SYNJ2: variants seen among roughly 807,000 people sequenced by gnomAD.
SYNJ2 encodes the protein synaptojanin 2, also known as polyphosphatidylinositol phosphatase SYNJ2.
A neutral mutation model predicts 141.3 loss-of-function variants in SYNJ2; 116 were observed. That is an observed-to-expected ratio of 0.82 (90% confidence interval 0.71 to 0.96). The LOEUF is 0.96. Ranked by LOEUF, SYNJ2 falls within the 40% of genes least tolerant of loss-of-function variation. SYNJ2 has a pLI of 0.00. For synonymous variants in SYNJ2, 745 were observed against 777.7 expected, an observed-to-expected ratio of 0.96 and a Z score of 0.70; for missense variants, 1,873 against 1,934.8, an observed-to-expected ratio of 0.97 and a Z score of 0.60.
At chr6:158,005,163 C>T (rs1276802135) in intron 1 of SYNJ2, among the ~76,000 whole-genome samples, 6 of 151,618 alleles carry the variant, frequency 4.0e-5, no homozygotes, top group Middle Eastern at 3.2e-3. Context: ...CTGCAAGCTC[C>T]GCCTCCCAGG....
intron 23 of SYNJ2, 87 bp downstream of exon 23, chr6:158,087,076 A>T: frequency 6.8e-7 from 1 of 1,478,720 alleles, no homozygotes; most frequent in Non-Finnish European, 9.1e-7. Flanking sequence ...CTCCGAATCC[A>T]CTTCTCCCCG....
rs376483048 is a variant in SYNJ2 at position 158,064,998 on chromosome 6, C to T, written c.1525+7C>T. 287 of 1,549,680 alleles carry T rather than the reference C, an allele frequency of 1.9e-4. No homozygotes were observed. Among genetic ancestry groups the T allele is most frequent in the Middle Eastern group, 3.7e-4 (2 of 5,466 alleles). On this transcript the variant is annotated splice_region_variant and intron_variant, in intron 11 of 26. Transcript: ENST00000355585. ...GACAGCACGGCGCTCCTGGGTAGGG[C>T]CTGCCGCAGACAGGGCGAGGCAGGG...
intron 4 of SYNJ2, among the ~76,000 whole-genome samples, chr6:158,041,400 T>C (rs1779940430): frequency 6.6e-6 from 1 of 152,264 alleles, no homozygotes; most frequent in Non-Finnish European, 1.5e-5. Context: ...TTGCATTTGA[T>C]GGTCAAGTTA....
chr6:158,014,729 G>A (rs1438222396), intron 1 of SYNJ2, among the ~76,000 whole-genome samples: 4 of 152,260 alleles, frequency 2.6e-5, no homozygotes, highest in Non-Finnish European at 1.5e-5. Context: ...GGTGGTAGCA[G>A]GTCATGTTGT....
At position 157,981,868 on chromosome 6, in the gene SYNJ2, T is replaced by C; in HGVS notation, c.-94T>C. ...CGGGAGCGGCGGCGCAAAGTGAAAC[T>C]CTGGCAAGTTGCGGGCGCGCGGGGA... On this transcript the variant is annotated 5_prime_UTR_variant, in exon 1 of 27. Transcript: ENST00000355585. The surrounding 1 kb of genome is among the most constrained non-coding windows in gnomAD (Gnocchi z 6.4). The C allele has an allele frequency of 8.9e-7, 1 of 1,120,808 alleles. No individual in the cohort carries two copies. 69.4% of individuals were successfully genotyped at this position (1,120,808 alleles called of 1,614,324 possible).
At chr6:157,983,223 A>G (rs1777078747) in intron 1 of SYNJ2, among the ~76,000 whole-genome samples, 1 of 152,192 alleles carries the variant, frequency 6.6e-6, no homozygotes, top group Admixed American at 6.5e-5. Context: ...TGATTCCCTA[A>G]TCATTTCATT....
At chr6:158,003,810 C>A (rs1210948666) in intron 1 of SYNJ2, among the ~76,000 whole-genome samples, 1 of 152,078 alleles carries the variant, frequency 6.6e-6, no homozygotes, top group African/African-American at 2.4e-5. Context: ...ACCCACGGAG[C>A]TCTGTTTTGG....
chr6:158,023,135 G>A (rs772015343), intron 2 of SYNJ2, among the ~76,000 whole-genome samples: 9 of 152,030 alleles, frequency 5.9e-5, no homozygotes, highest in Non-Finnish European at 1.0e-4. Flanking sequence ...GTGCACGCCT[G>A]TAGTCCCAGC....
intron 1 of SYNJ2, among the ~76,000 whole-genome samples, chr6:158,004,023 T>C (rs1777957930): frequency 6.6e-6 from 1 of 152,188 alleles, no homozygotes; most frequent in Admixed American, 6.5e-5. Flanking sequence ...TCATAAGCCA[T>C]GTTGTTCGAG....
intron 20 of SYNJ2, among the ~76,000 whole-genome samples, chr6:158,081,851 C>T (rs1388143162): frequency 6.6e-6 from 1 of 151,918 alleles, no homozygotes; most frequent in Non-Finnish European, 1.5e-5. Flanking sequence ...TGCATTGGGA[C>T]AGTTATGGCT....
At chr6:158,021,230 C>T (rs951440656) in intron 2 of SYNJ2, among the ~76,000 whole-genome samples, 3 of 152,202 alleles carry the variant, frequency 2.0e-5, no homozygotes, top group Non-Finnish European at 2.9e-5. Flanking sequence ...AGTACGCAAC[C>T]TGTGAAGCTG....
At position 158,040,549 on chromosome 6, in the gene SYNJ2, T is replaced by C. The variant is rs1176456523; in HGVS notation, c.712-2767T>C. ...TCAGTCTATTAAAAAAAAAAAAGGA[T>C]GTAAGATAAATATTTGGCTATTCAA... On this transcript the variant is annotated intron_variant, in intron 4 of 26. Transcript: ENST00000355585. The surrounding 1 kb of genome is among the most constrained non-coding windows in gnomAD (Gnocchi z 4.2). Among the ~76,000 whole-genome samples, 2 of 147,320 alleles carry C rather than the reference T, an allele frequency of 1.4e-5. No homozygotes were observed. Among genetic ancestry groups the C allele is most frequent in the African/African-American group, 5.0e-5 (2 of 39,822 alleles).
At chr6:158,013,339 C>T (rs1001195334) in intron 1 of SYNJ2, among the ~76,000 whole-genome samples, 2 of 152,098 alleles carry the variant, frequency 1.3e-5, no homozygotes, top group African/African-American at 4.8e-5. Flanking sequence ...TGAGATTGCA[C>T]CATTGTACTC....
intron 1 of SYNJ2, among the ~76,000 whole-genome samples, chr6:157,998,689 G>A (rs1169885932): frequency 1.3e-5 from 2 of 152,136 alleles, no homozygotes; most frequent in Non-Finnish European, 2.9e-5. Flanking sequence ...ACAGTGTTAC[G>A]GCATGGAAAG....
In SYNJ2 at chr6:158,027,724, GACA is replaced by G. The variant is rs1022917169; in HGVS notation, c.215-1029_215-1027del. 8 of 152,344 alleles carry G rather than the reference GACA, an allele frequency of 5.3e-5. No homozygotes were observed. Among genetic ancestry groups the G allele is most frequent in the Admixed American group, 1.3e-4 (2 of 15,286 alleles). 9.4% of individuals were successfully genotyped at this position (152,344 alleles called of 1,614,324 possible). A position where few individuals can be genotyped will look rare whatever the true frequency, so the allele number is the denominator to read the frequency against. On this transcript the variant is annotated intron_variant, in intron 2 of 26. Coordinates refer to ENST00000355585, the MANE Select transcript of SYNJ2 (RefSeq NM_003898.4). This position sits in a 1 kb window ranked among gnomAD's most constrained non-coding sequence, Gnocchi z 4.6. Reference sequence around the variant, plus strand: ...GGGAGGTCATGAGCTTTGTGTGTGTGACAACTGCTGATGGGAATGCTATTGGCA... The same window carrying G: ...GGGAGGTCATGAGCTTTGTGTGTGTGACTGCTGATGGGAATGCTATTGGCA...
intron 6 of SYNJ2, among the ~76,000 whole-genome samples, chr6:158,057,029 C>T (rs144000117): frequency 7.2e-5 from 11 of 152,084 alleles, no homozygotes; most frequent in African/African-American, 2.7e-4. Context: ...GCCTCAGTCT[C>T]TCCTCACAGG....
At position 158,069,648 on chromosome 6, in the gene SYNJ2, C is replaced by T. The variant is rs747882037; in HGVS notation, c.1915C>T (p.Arg639Cys). Residue 639 changes from arginine to cysteine, a missense_variant, in exon 14 of 27, where the codon CGT (arginine) becomes TGT (cysteine). Physicochemically the swap from Arg to Cys is radical, Grantham distance 180. Transcript: ENST00000355585. Reference protein sequence around the residue: ...LVGVCLYIFVRPYHVPFIRDV... With the variant: ...LVGVCLYIFVCPYHVPFIRDV... ...GGGCGTCTGTCTTTATATCTTTGTA[C>T]GTCCATACCATGTCCCGTTCATCAG... 6.2e-6 allele frequency: 10 copies of T among 1,613,530 alleles called. No homozygotes were observed. The highest frequency in any genetic ancestry group is 2.7e-5 in the African/African-American group (2 of 74,886).
chr6:157,998,838 G>A (rs1211561230), intron 1 of SYNJ2, among the ~76,000 whole-genome samples: 1 of 152,172 alleles, frequency 6.6e-6, no homozygotes, highest in Admixed American at 6.5e-5. Flanking sequence ...TCTTCACCCG[G>A]TGAACACACC....
intron 1 of SYNJ2, among the ~76,000 whole-genome samples, chr6:157,990,294 TTCCTGCA>T (rs558536846): frequency 1.1e-4 from 16 of 152,314 alleles, no homozygotes; most frequent in Admixed American, 4.6e-4. Flanking sequence ...CCTGGTTGTA[TTCCTGCA>T]TCCTGCATTC....
Sources: gnomAD v4.1 joint callset for allele counts (sites outside exome capture counted in the v4.1 genomes callset) on GRCh38, gnomAD v4.1.1 for gene constraint, Gnocchi (gnomAD v3.1) non-coding constraint, MANE v1.5 for transcripts, NCBI Gene and HGNC (gene_info 2026-07-23, HGNC 2026-07-21) for gene names.